Variants in TSC2 observed in about 807,000 individuals in gnomAD.
TSC2 encodes tuberin.
A neutral mutation model predicts 202.2 loss-of-function variants in TSC2; 29 were observed. That is an observed-to-expected ratio of 0.14 (90% confidence interval 0.11 to 0.20). The LOEUF is 0.20. TSC2 is among the 10% of genes least tolerant of loss of function. The pLI, the probability that TSC2 is intolerant of heterozygous loss-of-function variation, is 1.00. For synonymous variants in TSC2, 1,349 were observed against 1,044.0 expected (o/e 1.29, Z -5.63); for missense variants, 2,429 against 2,420.0 (o/e 1.00, Z -0.08).
At chr16:2,057,213 G>C (rs1374905430) in intron 9 of TSC2, 35 bp downstream of exon 9, 1 of 1,550,920 alleles carries the variant, frequency 6.4e-7, no homozygotes, top group Non-Finnish European at 8.7e-7. Context: ...GGCAGTGGAG[G>C]CCAGCACAGC....
At position 2,072,214 on chromosome 16, in the gene TSC2, C is replaced by T. The variant is rs368312604; in HGVS notation, c.2098-27C>T. The T allele has an allele frequency of 1.2e-5, 20 of 1,613,540 alleles. No individual in the cohort carries two copies. The African/African-American group carries it at 2.3e-4, about 18-fold the overall frequency. ...CTCTGTCTCTAGGGTCCAGAAGGCC[C>T]TGTCCTGACGCCTCCTCTCCTCGCA... On this transcript the variant is annotated intron_variant, in intron 19 of 41. Transcript: ENST00000219476.
rs1371092393 is a variant in TSC2, at chr16:2,079,139, C to G, written c.3074C>G (p.Thr1025Ser). ...AACCTCCACCTGGAGCTCACGGAAA[C>G]CTGTCTGGACATGATGGCTCGATAC... ...LKNLHLELTE[T>S]CLDMMARYVF... is the part of the protein sequence containing the mutation. Residue 1025 changes from threonine to serine, a missense_variant, in exon 27 of 42, where the codon ACC becomes AGC. Coordinates refer to ENST00000219476, the MANE Select transcript of TSC2 (RefSeq NM_000548.5). The surrounding 1 kb of genome is among the most constrained non-coding windows in gnomAD (Gnocchi z 4.6). 6.2e-7 allele frequency: 1 copy of G among 1,613,078 alleles called. No homozygotes were observed. The highest frequency in any genetic ancestry group is 8.5e-7 in the Non-Finnish European group (1 of 1,180,030).
chr16:2,080,757 T>G (rs571307833), intron 30 of TSC2: 1 of 259,596 alleles, frequency 3.9e-6, no homozygotes, highest in Non-Finnish European at 7.6e-6. Flanking sequence ...GTGCTGGGAT[T>G]ACAGGCGTGA....
At chr16:2,077,338 T>G in intron 25 of TSC2, 2 of 518,004 alleles carry the variant, frequency 3.9e-6, no homozygotes, top group Non-Finnish European at 3.5e-6. Context: ...TGCACTGACG[T>G]TGTTTGTTTT....
chr16:2,070,053 G>A (rs780570673), intron 16 of TSC2, among the ~76,000 whole-genome samples: 1 of 152,132 alleles, frequency 6.6e-6, no homozygotes, highest in Non-Finnish European at 1.5e-5. Context: ...GCTGGCCTCG[G>A]CCCCAGGGTT....
chr16:2,060,654 C>G lies in TSC2; in HGVS notation c.976-16C>G. ...AGCAGCTCTGACCCTGTGTGCTGGCCGGGCTCGTGTTCCAGGCCATGGCAT... is the reference window on the plus strand; with the variant it reads ...AGCAGCTCTGACCCTGTGTGCTGGCGGGGCTCGTGTTCCAGGCCATGGCAT... On this transcript the variant is annotated splice_polypyrimidine_tract_variant and intron_variant, in intron 10 of 41. Transcript: ENST00000219476. 6.2e-7 allele frequency: 1 copy of G among 1,613,934 alleles called. No individual in the cohort carries two copies. Among genetic ancestry groups the G allele is most frequent in the Non-Finnish European group, 8.5e-7 (1 of 1,180,002 alleles).
In TSC2 at chr16:2,064,445, C is replaced by T. The variant is rs758214726; in HGVS notation, c.1599+18C>T. The T allele has an allele frequency of 4.2e-5, 67 of 1,612,494 alleles. No homozygotes were observed. The highest frequency in any genetic ancestry group is 3.6e-4 in the East Asian group (16 of 44,892). On this transcript the variant is annotated intron_variant, in intron 15 of 41. Transcript: ENST00000219476. ...TCGAGAAGGTGAGAGCCGTTGTACC[C>T]GGGGCCGGGTGCTAGCGTGCCAGAG...
At chr16:2,065,667 G>T in intron 16 of TSC2, 32 bp downstream of exon 16, 1 of 1,580,556 alleles carries the variant, frequency 6.3e-7, no homozygotes, top group African/African-American at 1.3e-5. Flanking sequence ...TCTGCTCCCG[G>T]GGCGCGCATG....
At position 2,072,275 on chromosome 16, in the gene TSC2, G is replaced by C. The variant is rs2088567807; in HGVS notation, c.2132G>C (p.Gly711Ala). 1 of 1,614,028 alleles carries C rather than the reference G, an allele frequency of 6.2e-7. No individual in the cohort carries two copies. Among genetic ancestry groups the C allele is most frequent in the African/African-American group, 1.3e-5 (1 of 74,960 alleles). Residue 711 changes from glycine (G) to alanine (A), a missense_variant, in exon 20 of 42, where the codon GGC (glycine) becomes GCC (alanine). Coordinates refer to ENST00000219476, the MANE Select transcript of TSC2 (RefSeq NM_000548.5). ...TGGAAGGTGCTGAAGCTGGTTCTGG[G>C]CAGGCTGCCTGAGTCCCTGCGCTAT... Reference protein sequence around the residue: ...SDWKVLKLVLGRLPESLRYKV... With the variant: ...SDWKVLKLVLARLPESLRYKV...
chr16:2,056,272 C>T (rs770911792), intron 7 of TSC2, 28 bp downstream of exon 7: 2 of 1,613,670 alleles, frequency 1.2e-6, no homozygotes, highest in South Asian at 1.1e-5. Context: ...CCAGGGCCGG[C>T]CCATTTCACC....
chr16:2,063,263 C>A (rs2086865687), intron 14 of TSC2: 2 of 648,608 alleles, frequency 3.1e-6, no homozygotes, highest in Non-Finnish European at 5.5e-6. Context: ...GACACGTGGC[C>A]AAGTAGCAAG....
intron 36 of TSC2, 97 bp downstream of exon 36, chr16:2,085,419 T>C (rs929175679): frequency 5.4e-6 from 7 of 1,307,140 alleles, no homozygotes; most frequent in Admixed American, 1.8e-5. Flanking sequence ...CCCACAGAGC[T>C]CAACACTGCC....
intron 26 of TSC2, 79 bp from the exon 27 acceptor site, chr16:2,078,953 T>G: frequency 1.7e-4 from 276 of 1,588,800 alleles, no homozygotes; most frequent in Non-Finnish European, 2.2e-4. Context: ...GTGCATGCGT[T>G]GAGCTTTGGC....
At chr16:2,083,540 T>C in intron 32 of TSC2, 155 bp from the exon 33 acceptor site, 1 of 1,342,956 alleles carries the variant, frequency 7.4e-7, no homozygotes, top group Non-Finnish European at 1.0e-6. Flanking sequence ...GCGTCCTCCC[T>C]GCCCGCTCGG....
In TSC2 at chr16:2,083,701, C is replaced by T. The variant is rs371239156; in HGVS notation, c.3890C>T (p.Ala1297Val). 1.5e-5 allele frequency: 24 copies of T among 1,584,790 alleles called. No homozygotes were observed. The highest frequency in any genetic ancestry group is 1.9e-5 in the Non-Finnish European group (22 of 1,166,354). Residue 1297 changes from alanine (A) to valine (V), a missense_variant, in exon 33 of 42, where the codon GCC (alanine) becomes GTC (valine). Physicochemically the swap from Ala to Val is moderately conservative, Grantham distance 64. Coordinates refer to ENST00000219476, the MANE Select transcript of TSC2 (RefSeq NM_000548.5). ...CCCGTCTGTGTCCTCCCAGACTCCG[C>T]CGTGGTCATGGAGGAGGGAAGTCCG... ...LHRSVSWADS[A>V]VVMEEGSPGE...
chr16:2,084,389 C>T lies in TSC2; in HGVS notation c.4167C>T (p.Pro1389=), dbSNP rs45508504. ...CCCTGAGCAAGTCCAGCTCCTCTCC[C>T]GAGCTGCAGACTCTGCAGGACATCC... ...SQPLSKSSSS[P]ELQTLQDILG... Residue 1389 remains proline, a synonymous_variant, in exon 34 of 42, where the codon CCC becomes CCT. Coordinates refer to ENST00000219476, the MANE Select transcript of TSC2 (RefSeq NM_000548.5). 20 of 1,612,152 alleles carry T rather than the reference C, an allele frequency of 1.2e-5. No individual in the cohort carries two copies. Among genetic ancestry groups the T allele is most frequent in the African/African-American group, 2.7e-5 (2 of 74,928 alleles).
chr16:2,057,240 G>A, intron 9 of TSC2, 62 bp downstream of exon 9: 1 of 1,541,008 alleles, frequency 6.5e-7, no homozygotes, highest in Non-Finnish European at 8.8e-7. Context: ...GGCAGCTCCA[G>A]TGTCCCTTGC....
chr16:2,054,636 C>A (rs1476127733), intron 5 of TSC2, 196 bp downstream of exon 5: 2 of 743,362 alleles, frequency 2.7e-6, no homozygotes, highest in African/African-American at 3.5e-5. Context: ...ATGCAGAGTC[C>A]TGGCCTTCAC....
chr16:2,058,700 G>A (rs1469273384), intron 9 of TSC2, 47 bp from the exon 10 acceptor site: 2 of 1,554,532 alleles, frequency 1.3e-6, no homozygotes, highest in African/African-American at 2.7e-5. Flanking sequence ...GGCGGACCCT[G>A]GGACAGGGCC....
Sources: gnomAD v4.1 joint callset for allele counts (sites outside exome capture counted in the v4.1 genomes callset) on GRCh38, gnomAD v4.1.1 for gene constraint, Gnocchi (gnomAD v3.1) non-coding constraint, MANE v1.5 for transcripts, NCBI Gene and HGNC (gene_info 2026-07-23, HGNC 2026-07-21) for gene names.